Variants in PCDH11X observed in about 807,000 individuals in gnomAD.
PCDH11X encodes the protein protocadherin-11 X-linked.
Under a neutral mutation model 53.3 loss-of-function variants are expected in PCDH11X, and 18 were observed. That is an observed-to-expected ratio of 0.34 (90% confidence interval 0.23 to 0.50). PCDH11X has a LOEUF of 0.50. PCDH11X is among the 20% of genes least tolerant of loss of function. The pLI, the probability that PCDH11X is intolerant of heterozygous loss-of-function variation, is 0.98. For synonymous variants in PCDH11X, 279 were observed against 393.3 expected (o/e 0.71, Z 3.44); for missense variants, 570 against 1,032.4 (o/e 0.55, Z 6.14).
At chrX:92,085,432 T>A (rs1332237085) in intron 6 of PCDH11X, among the ~76,000 whole-genome samples, 1 of 107,435 alleles carries the variant, frequency 9.3e-6, no homozygotes, top group African/African-American at 3.4e-5. Context: ...TGTTTGACTC[T>A]TCTTATGTTA....
intron 6 of PCDH11X, among the ~76,000 whole-genome samples, chrX:91,973,179 A>G (rs1199142393): frequency 1.9e-5 from 2 of 105,599 alleles, no homozygotes; most frequent in East Asian, 3.1e-4. Flanking sequence ...TCAGTAAACT[A>G]TCGCAAGAAC....
chrX:92,181,299 G>A (rs1171279929), intron 6 of PCDH11X, among the ~76,000 whole-genome samples: 1 of 111,539 alleles, frequency 9.0e-6, no homozygotes, highest in Admixed American at 9.6e-5. Flanking sequence ...GCTGGTGGAA[G>A]AAATTTCTAA....
At chrX:92,385,770 C>A (rs776357177) in intron 8 of PCDH11X, among the ~76,000 whole-genome samples, 1 of 111,087 alleles carries the variant, frequency 9.0e-6, no homozygotes, top group East Asian at 2.8e-4. Context: ...TGCAGTGAGC[C>A]AAGATTGTGC....
At chrX:92,055,745 C>T (rs1268176147) in intron 6 of PCDH11X, among the ~76,000 whole-genome samples, 3 of 110,379 alleles carry the variant, frequency 2.7e-5, no homozygotes. Context: ...TGTGCTGTCC[C>T]CTCTATGTGT....
At chrX:92,506,642 T>G (rs753571624) in intron 10 of PCDH11X, among the ~76,000 whole-genome samples, 1 of 106,217 alleles carries the variant, frequency 9.4e-6, no homozygotes, top group South Asian at 4.2e-4. Flanking sequence ...GCTAGTTTTT[T>G]TTTTTTTTTT....
At chrX:92,472,762 T>C (rs1162040528) in intron 10 of PCDH11X, among the ~76,000 whole-genome samples, 1 of 111,578 alleles carries the variant, frequency 9.0e-6, no homozygotes, top group Non-Finnish European at 1.9e-5. Flanking sequence ...GAGCATAAAA[T>C]GTTTTTCCAT....
rs1322472293 is a variant in PCDH11X at position 92,621,124 on chromosome X, T to A, written c.*2184T>A. The A allele has an allele frequency of 3.7e-5, 2 of 53,469 alleles. No homozygotes were observed. Among genetic ancestry groups the A allele is most frequent in the Non-Finnish European group, 6.4e-5 (2 of 31,268 alleles). The allele number at this position is 53,469 out of a possible 1,213,427, so 4.4% of individuals were successfully genotyped here. A position where few individuals can be genotyped will look rare whatever the true frequency, so the allele number is the denominator to read the frequency against. On this transcript the variant is annotated 3_prime_UTR_variant, in exon 11 of 11. Transcript: ENST00000682573. ...TCTCTGCAAAACTTTAGTTTTCTGA[T>A]GATCTACACACACACACACACACAC...
At chrX:92,242,651 G>C (rs2067281215) in intron 7 of PCDH11X, among the ~76,000 whole-genome samples, 1 of 111,570 alleles carries the variant, frequency 9.0e-6, no homozygotes, top group Non-Finnish European at 1.9e-5. Flanking sequence ...AGGTGTAATT[G>C]CTAGGTCACA....
intron 9 of PCDH11X, among the ~76,000 whole-genome samples, chrX:92,413,701 A>G (rs1362484013): frequency 9.1e-6 from 1 of 110,259 alleles, no homozygotes; most frequent in African/African-American, 3.3e-5. Flanking sequence ...CTAGCCTCCA[A>G]TCAGAAGCCA....
intron 6 of PCDH11X, among the ~76,000 whole-genome samples, chrX:91,970,106 GTTCACAATCTCGCTGGC>G (rs2061931841): frequency 9.0e-6 from 1 of 111,235 alleles, no homozygotes; most frequent in African/African-American, 3.3e-5. Flanking sequence ...CTCCTGGTGG[GTTCACAATCTCGCTGGC>G]TTCACGAATG....
chrX:92,263,118 A>T lies in PCDH11X; in HGVS notation c.3119A>T (p.Lys1040Ile). Residue 1040 changes from lysine to isoleucine, a missense_variant, in exon 8 of 11, where the codon AAA (lysine) becomes ATA (isoleucine). By Grantham distance (102) the Lys-to-Ile change is moderately radical. This residue lies in a region of PCDH11X where 234 missense variants were observed against 296.1 expected (regional missense o/e 0.79). Coordinates refer to ENST00000682573, the MANE Select transcript of PCDH11X (RefSeq NM_032968.5). ...CTCCATTTTATCCTAAATCAGCGGA[A>T]ATCTGAAGGGAAAGTGGCAGGAAAG... ...EIWIHPQPQR[K>I]SEGKVAGKSQ... 8.4e-7 allele frequency: 1 copy of T among 1,187,462 alleles called. No homozygotes were observed. The highest frequency in any genetic ancestry group is 1.9e-5 in the South Asian group (1 of 53,593).
chrX:92,604,220 C>G (rs1038016091), intron 10 of PCDH11X, among the ~76,000 whole-genome samples: 3 of 109,381 alleles, frequency 2.7e-5, no homozygotes, highest in Non-Finnish European at 3.8e-5. Context: ...GTACTACTCC[C>G]CTTTTATCAG....
chrX:92,370,460 C>CTTTT (rs576718286), intron 8 of PCDH11X, among the ~76,000 whole-genome samples: 1 of 80,306 alleles, frequency 1.2e-5, no homozygotes, highest in Non-Finnish European at 2.5e-5. Context: ...GTTCTTTTTT[C>CTTTT]TTTTTTTTTT....
chrX:92,124,933 CTG>C (rs2064834972), intron 6 of PCDH11X, among the ~76,000 whole-genome samples: 1 of 111,311 alleles, frequency 9.0e-6, no homozygotes, highest in East Asian at 2.8e-4. Flanking sequence ...TCGCTCATCA[CTG>C]TATTTCTACT....
chrX:91,852,271 T>A (rs1434260842), intron 5 of PCDH11X, among the ~76,000 whole-genome samples: 2 of 110,603 alleles, frequency 1.8e-5, no homozygotes, highest in Non-Finnish European at 3.8e-5. Context: ...CGCCTCGGCC[T>A]CCCAAAGTGC....
intron 10 of PCDH11X, among the ~76,000 whole-genome samples, chrX:92,504,519 T>C (rs1189788464): frequency 8.9e-6 from 1 of 111,904 alleles, no homozygotes; most frequent in Non-Finnish European, 1.9e-5. Context: ...ACCATATATG[T>C]ACCACATTTT....
At chrX:92,279,393 G>A (rs1434684918) in intron 8 of PCDH11X, among the ~76,000 whole-genome samples, 1 of 112,171 alleles carries the variant, frequency 8.9e-6, no homozygotes, top group African/African-American at 3.2e-5. Flanking sequence ...GAAAATAAAT[G>A]TGTAGTGGAG....
intron 4 of PCDH11X, among the ~76,000 whole-genome samples, chrX:91,823,666 C>G (rs1936788324): frequency 9.0e-6 from 1 of 111,287 alleles, no homozygotes; most frequent in Non-Finnish European, 1.9e-5. Flanking sequence ...AGCATTTAGT[C>G]CATTTACATT....
intron 6 of PCDH11X, among the ~76,000 whole-genome samples, chrX:91,928,409 T>C (rs1298079502): frequency 9.8e-6 from 1 of 102,397 alleles, no homozygotes; most frequent in Non-Finnish European, 2.0e-5. Context: ...TTATTAGGCA[T>C]GATGAGATAG....
Sources: gnomAD v4.1 joint callset for allele counts (sites outside exome capture counted in the v4.1 genomes callset) on GRCh38, gnomAD v4.1.1 for gene constraint, gnomAD v4.1.1 regional missense constraint, MANE v1.5 for transcripts, NCBI Gene and HGNC (gene_info 2026-07-23, HGNC 2026-07-21) for gene names.